The following TMED7 variants were observed in gnomAD, a reference collection of about 807,000 sequenced individuals.
TMED7 encodes transmembrane p24 trafficking protein 7, also known as transmembrane emp24 domain-containing protein 7.
A neutral mutation model predicts 23.4 loss-of-function variants in TMED7; 8 were observed. The observed-to-expected ratio is 0.34, with a 90% CI of 0.20 to 0.62. The LOEUF (loss-of-function observed/expected upper bound fraction) is 0.62, where lower values mean the gene tolerates loss of function less well. Ranked by LOEUF, TMED7 falls within the 20% of genes least tolerant of loss-of-function variation. The pLI is 0.77. For missense variants in TMED7, 232 were observed against 279.1 expected, an observed-to-expected ratio of 0.83 and a Z score of 1.20; for synonymous variants, 121 against 108.5, an observed-to-expected ratio of 1.12 and a Z score of -0.72.
chr5:115,616,379 G>A lies in TMED7; in HGVS notation c.505C>T (p.Arg169Cys). ...KSVIDYQTHF[R>C]LREAQGRSRA... ...CTTCGGCCTTGAGCTTCTCTTAAACGGAAATGAGTCTGATAATCGATGACA... is the reference window on the plus strand; with the variant it reads ...CTTCGGCCTTGAGCTTCTCTTAAACAGAAATGAGTCTGATAATCGATGACA... The change falls in exon 3 of 3, where the codon CGT becomes TGT. Residue 169 changes from arginine (R) to cysteine (C), a missense_variant. By Grantham distance (180) the Arg-to-Cys change is radical. This residue lies in a region of TMED7 where 126 missense variants were observed against 182.1 expected (regional missense o/e 0.69). Transcript: ENST00000456936. The A allele has an allele frequency of 1.2e-6, 2 of 1,614,152 alleles. No individual in the cohort carries two copies. The highest frequency in any genetic ancestry group is 1.7e-6 in the Non-Finnish European group (2 of 1,180,004).
In TMED7 at chr5:115,615,596, G is replaced by A. The variant is rs1393223236; in HGVS notation, c.*613C>T. The A allele has an allele frequency of 6.5e-6, 1 of 152,984 alleles. No homozygotes were observed. Among genetic ancestry groups the A allele is most frequent in the Non-Finnish European group, 1.5e-5 (1 of 68,394 alleles). 9.5% of individuals were successfully genotyped at this position (152,984 alleles called of 1,614,324 possible). Reference sequence around the variant, plus strand: ...CTACTGTTTTCTGTGTACTACAAATGCCTTTATGAAAAAATAGCATAGCTG... The same window carrying A: ...CTACTGTTTTCTGTGTACTACAAATACCTTTATGAAAAAATAGCATAGCTG... On this transcript the variant is annotated 3_prime_UTR_variant, in exon 3 of 3. Transcript: ENST00000456936.
rs1757207377 is a variant in TMED7, at chr5:115,626,011, G to A, written c.-219C>T. ...GGGAGGTAAAAGAGAAGCGGAAAAG[G>A]CCTGAGAGGGTCGGAAGTGGGGATT... On this transcript the variant is annotated 5_prime_UTR_variant, in exon 1 of 3. Coordinates refer to ENST00000456936, the MANE Select transcript of TMED7 (RefSeq NM_181836.6). The A allele has an allele frequency of 3.8e-6, 2 of 520,424 alleles. No individual in the cohort carries two copies. Among genetic ancestry groups the A allele is most frequent in the Non-Finnish European group, 5.9e-6 (2 of 337,888 alleles). The allele number at this position is 520,424 out of a possible 1,614,324, so 32.2% of individuals were successfully genotyped here.
At chr5:115,621,856 G>A (rs1757041062) in intron 1 of TMED7, among the ~76,000 whole-genome samples, 2 of 152,108 alleles carry the variant, frequency 1.3e-5, no homozygotes, top group Non-Finnish European at 2.9e-5. Context: ...AACTCTCTTG[G>A]TTAGCATCCT....
intron 2 of TMED7, among the ~76,000 whole-genome samples, chr5:115,617,361 T>G (rs1756812062): frequency 6.6e-6 from 1 of 152,206 alleles, no homozygotes; most frequent in African/African-American, 2.4e-5. Flanking sequence ...GAAAATAATG[T>G]TTAATGAAGT....
In TMED7 at chr5:115,624,896, T is replaced by C. The variant is rs73782723; in HGVS notation, c.192+705A>G. Among the ~76,000 whole-genome samples the C allele has an allele frequency of 4.1e-3, 632 of 152,374 alleles. 3 individuals are homozygous for C. The highest frequency in any genetic ancestry group is 0.014 in the African/African-American group (597 of 41,588). On this transcript the variant is annotated intron_variant, in intron 1 of 2. Transcript: ENST00000456936. ...AGCAGGGTGAGAGGGGAATCATGAA[T>C]GATGGCAGTGACCCTATCTGTTTCG...
At chr5:115,621,595 G>T (rs1159782490) in intron 1 of TMED7, among the ~76,000 whole-genome samples, 4 of 152,150 alleles carry the variant, frequency 2.6e-5, no homozygotes, top group Non-Finnish European at 5.9e-5. Flanking sequence ...TGCTTAATCA[G>T]TTACAATTCC....
chr5:115,616,463 C>G lies in TMED7; in HGVS notation c.439-18G>C. On this transcript the variant is annotated intron_variant, in intron 2 of 2. Transcript: ENST00000456936. ...GATTCCATCTGCAGAGAAATATTTTCAGTCAGTATGTGTGATACTTTCTGT... is the reference window on the plus strand; with the variant it reads ...GATTCCATCTGCAGAGAAATATTTTGAGTCAGTATGTGTGATACTTTCTGT... 1 of 1,614,060 alleles carries G rather than the reference C, an allele frequency of 6.2e-7. No homozygotes were observed. The highest frequency in any genetic ancestry group is 1.3e-5 in the African/African-American group (1 of 75,066).
chr5:115,621,815 G>A (rs1180539512), intron 1 of TMED7, among the ~76,000 whole-genome samples: 2 of 152,148 alleles, frequency 1.3e-5, no homozygotes, highest in African/African-American at 4.8e-5. Flanking sequence ...CCATGTGATT[G>A]GGGAGCACAA....
intron 2 of TMED7, among the ~76,000 whole-genome samples, chr5:115,617,407 A>C (rs1433161132): frequency 6.6e-6 from 1 of 152,212 alleles, no homozygotes; most frequent in Non-Finnish European, 1.5e-5. Context: ...TAATTATTAA[A>C]ATATTCTATT....
intron 2 of TMED7, among the ~76,000 whole-genome samples, chr5:115,617,091 A>T (rs1756796328): frequency 1.3e-5 from 2 of 152,206 alleles, no homozygotes; most frequent in Admixed American, 6.5e-5. Flanking sequence ...TGCAAGTTTC[A>T]GTTTCACTGT....
At chr5:115,622,998 A>T (rs934193899) in intron 1 of TMED7, among the ~76,000 whole-genome samples, 11 of 152,256 alleles carry the variant, frequency 7.2e-5, no homozygotes, top group African/African-American at 2.7e-4. Context: ...TACAGTTTAT[A>T]ACATTATACG....
At position 115,616,106 on chromosome 5, in the gene TMED7, A is replaced by G. The variant is rs756540983; in HGVS notation, c.*103T>C. On this transcript the variant is annotated 3_prime_UTR_variant, in exon 3 of 3. Coordinates refer to ENST00000456936, the MANE Select transcript of TMED7 (RefSeq NM_181836.6). Reference sequence around the variant, plus strand: ...CATCCCTCCCAACAAGTGTATGAGTAAGGATTTAAAAATGTTGCCAATATT... The same window carrying G: ...CATCCCTCCCAACAAGTGTATGAGTGAGGATTTAAAAATGTTGCCAATATT... The G allele has an allele frequency of 2.7e-6, 3 of 1,103,078 alleles. No homozygotes were observed. The highest frequency in any genetic ancestry group is 4.0e-6 in the Non-Finnish European group (3 of 740,968). The allele number at this position is 1,103,078 out of a possible 1,614,324, so 68.3% of individuals were successfully genotyped here.
rs1756740489 is a variant in TMED7 at position 115,616,311 on chromosome 5, T to G, written c.573A>C (p.Val191=). The G allele has an allele frequency of 1.2e-6, 2 of 1,614,094 alleles. No homozygotes were observed. The highest frequency in any genetic ancestry group is 1.1e-5 in the South Asian group (1 of 91,096). Reference sequence around the variant, plus strand: ...CCACCAGAAGAATGAGGGCTTCTCCTACTGACCAATAGGCCACTCTTGTAT... The same window carrying G: ...CCACCAGAAGAATGAGGGCTTCTCCGACTGACCAATAGGCCACTCTTGTAT... The part of the protein sequence containing the change: ...DLNTRVAYWS[V]GEALILLVVS... Residue 191 remains valine (V), a synonymous_variant, in exon 3 of 3, where the codon GTA becomes GTC. Coordinates refer to ENST00000456936, the MANE Select transcript of TMED7 (RefSeq NM_181836.6).
In TMED7 at chr5:115,613,793, CTG is replaced by C. The variant is rs1756569361; in HGVS notation, c.*2414_*2415del. ...GATTATCACCAAGCTTGGATGAAAG[CTG>C]TGAACCACAAACCATTTGTTTATTT... is the stretch of plus-strand genomic sequence containing the variant. On this transcript the variant is annotated 3_prime_UTR_variant, in exon 3 of 3. Transcript: ENST00000456936. 6.6e-6 allele frequency: 1 copy of C among 152,530 alleles called. No homozygotes were observed. 9.4% of individuals were successfully genotyped at this position (152,530 alleles called of 1,614,324 possible).
chr5:115,623,684 TCTC>T (rs770929075), intron 1 of TMED7, among the ~76,000 whole-genome samples: 115 of 152,174 alleles, frequency 7.6e-4, no homozygotes, highest in Non-Finnish European at 1.2e-3. Context: ...CCCCTTCTTC[TCTC>T]CTCTGCCGCC....
intron 1 of TMED7, among the ~76,000 whole-genome samples, chr5:115,624,992 T>C (rs142695783): frequency 6.6e-5 from 10 of 152,366 alleles, no homozygotes; most frequent in Non-Finnish European, 1.5e-4. Flanking sequence ...CCAACCAAAA[T>C]TGAAGCTCAG....
intron 2 of TMED7, 105 bp from the exon 3 acceptor site, chr5:115,616,550 C>A: frequency 6.6e-7 from 1 of 1,509,642 alleles, no homozygotes; most frequent in Non-Finnish European, 9.0e-7. Context: ...TTTTGACTAA[C>A]ATGCTACTAA....
chr5:115,616,371 T>G lies in TMED7; in HGVS notation c.513A>C (p.Arg171Ser). Reference sequence around the variant, plus strand: ...CTGCTCGGCTTCGGCCTTGAGCTTCTCTTAAACGGAAATGAGTCTGATAAT... The same window carrying G: ...CTGCTCGGCTTCGGCCTTGAGCTTCGCTTAAACGGAAATGAGTCTGATAAT... ...VIDYQTHFRL[R>S]EAQGRSRAED... Residue 171 changes from arginine (R) to serine (S), a missense_variant, in exon 3 of 3, where the codon AGA (arginine) becomes AGC (serine). Arg to Ser is a moderately radical substitution (Grantham distance 110, BLOSUM62 -1). Around this residue, in one of 2 missense-constraint regions of TMED7, gnomAD observed 126 missense variants for 182.1 expected, o/e 0.69. Coordinates refer to ENST00000456936, the MANE Select transcript of TMED7 (RefSeq NM_181836.6). 1 of 1,614,194 alleles carries G rather than the reference T, an allele frequency of 6.2e-7. No individual in the cohort carries two copies. Among genetic ancestry groups the G allele is most frequent in the Non-Finnish European group, 8.5e-7 (1 of 1,180,010 alleles).
chr5:115,614,255 A>G lies in TMED7; in HGVS notation c.*1954T>C, dbSNP rs1418990327. On this transcript the variant is annotated 3_prime_UTR_variant, in exon 3 of 3. Coordinates refer to ENST00000456936, the MANE Select transcript of TMED7 (RefSeq NM_181836.6). ...AACAGTAGTGATTTCAAAAATTTTA[A>G]TATCTCAATAGTTTCACCAAAAATT... 6.6e-6 allele frequency: 1 copy of G among 152,144 alleles called. No homozygotes were observed. The highest frequency in any genetic ancestry group is 2.4e-5 in the African/African-American group (1 of 41,448). 9.4% of individuals were successfully genotyped at this position (152,144 alleles called of 1,614,324 possible).
Sources: gnomAD v4.1 joint callset for allele counts (sites outside exome capture counted in the v4.1 genomes callset) on GRCh38, gnomAD v4.1.1 for gene constraint, gnomAD v4.1.1 regional missense constraint, MANE v1.5 for transcripts, NCBI Gene and HGNC (gene_info 2026-07-23, HGNC 2026-07-21) for gene names.